Variants in RPTOR observed in about 807,000 individuals in gnomAD.
The protein encoded by RPTOR is regulatory associated protein of MTOR complex 1, also known as regulatory-associated protein of mTOR.
A neutral mutation model predicts 169.9 loss-of-function variants in RPTOR; 21 were observed. That is an observed-to-expected ratio of 0.12 (90% confidence interval 0.09 to 0.18). The LOEUF (loss-of-function observed/expected upper bound fraction) is 0.18, where lower values mean the gene tolerates loss of function less well. Among genes scored for constraint, RPTOR ranks in the 10% least tolerant of loss-of-function variants. The probability of loss-of-function intolerance (pLI) is 1.00; values close to 1 mark genes in which losing one functional copy is unlikely to be tolerated. For missense variants in RPTOR, 1,133 were observed against 1,855.9 expected (o/e 0.61, Z 7.16); for synonymous variants, 732 against 753.2 (o/e 0.97, Z 0.46).
At chr17:80,585,967 T>C (rs1304156376) in intron 1 of RPTOR, among the ~76,000 whole-genome samples, 2 of 152,058 alleles carry the variant, frequency 1.3e-5, no homozygotes, top group African/African-American at 4.8e-5. Context: ...ACGCATTAAA[T>C]ATTGTTCCGA....
At chr17:80,611,691 T>C (rs1213219902) in intron 1 of RPTOR, among the ~76,000 whole-genome samples, 1 of 151,908 alleles carries the variant, frequency 6.6e-6, no homozygotes, top group Non-Finnish European at 1.5e-5. Flanking sequence ...ACTTCCACAA[T>C]ATTATCTAAA....
At chr17:80,888,551 A>G (rs2068276830) in intron 17 of RPTOR, among the ~76,000 whole-genome samples, 1 of 152,190 alleles carries the variant, frequency 6.6e-6, no homozygotes, top group South Asian at 2.1e-4. Context: ...GAGGTGGGCC[A>G]GTAGCCCATG....
chr17:80,880,838 G>A lies in RPTOR; in HGVS notation c.1584+349G>A, dbSNP rs565818476. On this transcript the variant is annotated intron_variant, in intron 14 of 33. Transcript: ENST00000306801. ...CGCGTTAGACTAGTGAGCGCCGCAC[G>A]TCTGTAATATGAGAGTTCAGGCGCC... Among the ~76,000 whole-genome samples the A allele has an allele frequency of 1.4e-4, 22 of 152,306 alleles. No individual in the cohort carries two copies. In the South Asian group the frequency reaches 2.7e-3, roughly 19 times the overall value.
intron 4 of RPTOR, among the ~76,000 whole-genome samples, chr17:80,717,300 A>G (rs1374011493): frequency 6.6e-6 from 1 of 152,188 alleles, no homozygotes; most frequent in Non-Finnish European, 1.5e-5. Flanking sequence ...TGTGAGTTCC[A>G]GGATAACAAG....
chr17:80,742,945 C>T (rs1306160347), intron 5 of RPTOR, among the ~76,000 whole-genome samples: 5 of 122,054 alleles, frequency 4.1e-5, no homozygotes, highest in African/African-American at 1.3e-4. Context: ...CTCACCTATA[C>T]ACACACACAC....
At chr17:80,729,003 G>A (rs550464947) in intron 4 of RPTOR, among the ~76,000 whole-genome samples, 1 of 152,312 alleles carries the variant, frequency 6.6e-6, no homozygotes, top group East Asian at 1.9e-4. Flanking sequence ...TGCCCACGAT[G>A]ATGTACGTGT....
At chr17:80,898,716 G>A (rs1040612346) in intron 20 of RPTOR, among the ~76,000 whole-genome samples, 14 of 111,832 alleles carry the variant, frequency 1.3e-4, no homozygotes, top group African/African-American at 1.0e-4. Flanking sequence ...GGCTCCCCCC[G>A]CACCTGCTCA....
chr17:80,819,453 C>A (rs1463385466), intron 7 of RPTOR, among the ~76,000 whole-genome samples: 1 of 152,200 alleles, frequency 6.6e-6, no homozygotes, highest in Non-Finnish European at 1.5e-5. Flanking sequence ...GTAGCTGCTG[C>A]GTCGTGGTTG....
At chr17:80,897,314 A>G (rs1023196378) in intron 20 of RPTOR, among the ~76,000 whole-genome samples, 1 of 151,972 alleles carries the variant, frequency 6.6e-6, no homozygotes, top group Non-Finnish European at 1.5e-5. Context: ...AAACCTTTCT[A>G]ACCTTTTACC....
chr17:80,590,122 C>T (rs1408029838), intron 1 of RPTOR, among the ~76,000 whole-genome samples: 1 of 152,270 alleles, frequency 6.6e-6, no homozygotes, highest in African/African-American at 2.4e-5. Flanking sequence ...CTTTTTTGTG[C>T]ATCTATCAAG....
chr17:80,550,767 C>T (rs1425339417), intron 1 of RPTOR, among the ~76,000 whole-genome samples: 1 of 152,178 alleles, frequency 6.6e-6, no homozygotes, highest in Admixed American at 6.6e-5. Context: ...ATTTTGTCTC[C>T]ACTGATGCAG....
intron 4 of RPTOR, among the ~76,000 whole-genome samples, chr17:80,717,004 A>G (rs1402284215): frequency 6.6e-6 from 1 of 152,156 alleles, no homozygotes; most frequent in East Asian, 1.9e-4. Flanking sequence ...AGGTAATGTA[A>G]TTCCTCCAGA....
At chr17:80,795,506 A>G (rs1298673060) in intron 7 of RPTOR, among the ~76,000 whole-genome samples, 1 of 151,816 alleles carries the variant, frequency 6.6e-6, no homozygotes, top group Non-Finnish European at 1.5e-5. Context: ...TCTTTCTTCC[A>G]TCTCCCCTTC....
chr17:80,701,347 G>A lies in RPTOR; in HGVS notation c.349-6494G>A, dbSNP rs145913484. Among the ~76,000 whole-genome samples, 170 of 152,304 alleles carry A rather than the reference G, an allele frequency of 1.1e-3. 1 individual carries two copies. Among genetic ancestry groups the A allele is most frequent in the African/African-American group, 4.0e-3 (165 of 41,558 alleles). ...ATGCTCATTCCATATCAACCGAAAG[G>A]TAGCATTTGCCATCACTCTTTTTGG... On this transcript the variant is annotated intron_variant, in intron 3 of 33. Transcript: ENST00000306801.
intron 4 of RPTOR, among the ~76,000 whole-genome samples, chr17:80,711,312 T>G (rs537712060): frequency 6.6e-6 from 1 of 152,316 alleles, no homozygotes; most frequent in South Asian, 2.1e-4. Context: ...CTCCAGAGGA[T>G]GGAAGGAACA....
chr17:80,689,259 T>C (rs1367667305), intron 3 of RPTOR, among the ~76,000 whole-genome samples: 1 of 152,254 alleles, frequency 6.6e-6, no homozygotes, highest in East Asian at 1.9e-4. Context: ...GGCAACATTA[T>C]TCCTAGAGAG....
At position 80,646,099 on chromosome 17, in the gene RPTOR, C is replaced by CCGCT. The variant is rs1255651611; in HGVS notation, c.348+2290_348+2293dup. ...TAAAGTGGAATCTGGAATAAAGTATCCGCTGCAGCCTAGAAGGAAGCTGTT... is the reference window on the plus strand; with the variant it reads ...TAAAGTGGAATCTGGAATAAAGTATCCGCTCGCTGCAGCCTAGAAGGAAGCTGTT... On this transcript the variant is annotated intron_variant, in intron 3 of 33. Transcript: ENST00000306801. The surrounding 1 kb of genome is among the most constrained non-coding windows in gnomAD (Gnocchi z 5.0). Among the ~76,000 whole-genome samples, 1 of 152,150 alleles carries CCGCT rather than the reference C, an allele frequency of 6.6e-6. No individual in the cohort carries two copies. Among genetic ancestry groups the CCGCT allele is most frequent in the Non-Finnish European group, 1.5e-5 (1 of 68,028 alleles).
chr17:80,768,689 A>G (rs189526669), intron 6 of RPTOR, among the ~76,000 whole-genome samples: 23 of 152,288 alleles, frequency 1.5e-4, no homozygotes, highest in African/African-American at 5.3e-4. Context: ...GTTTGAAATC[A>G]TACCTACTAA....
chr17:80,652,297 C>G (rs755036804), intron 3 of RPTOR, among the ~76,000 whole-genome samples: 1 of 152,220 alleles, frequency 6.6e-6, no homozygotes, highest in Non-Finnish European at 1.5e-5. Flanking sequence ...AAACCCAAAG[C>G]CCATCGGCAG....
Sources: gnomAD v4.1 joint callset for allele counts (sites outside exome capture counted in the v4.1 genomes callset) on GRCh38, gnomAD v4.1.1 for gene constraint, Gnocchi (gnomAD v3.1) non-coding constraint, MANE v1.5 for transcripts, NCBI Gene and HGNC (gene_info 2026-07-23, HGNC 2026-07-21) for gene names.